The following GRB2 variants were observed in gnomAD, a reference collection of about 807,000 sequenced individuals.
The protein encoded by GRB2 is growth factor receptor-bound protein 2.
A neutral mutation model predicts 27.4 loss-of-function variants in GRB2; 2 were observed. That is an observed-to-expected ratio of 0.07 (90% CI 0.03 to 0.23). GRB2 has a LOEUF of 0.23. GRB2 is among the 10% of genes least tolerant of loss of function. The probability of loss-of-function intolerance (pLI) is 1.00; values close to 1 mark genes in which losing one functional copy is unlikely to be tolerated. For missense variants in GRB2, 102 were observed against 282.4 expected (o/e 0.36, Z 4.58); for synonymous variants, 94 against 99.6 (o/e 0.94, Z 0.33).
At chr17:75,390,680 G>A (rs1201644768) in intron 2 of GRB2, among the ~76,000 whole-genome samples, 1 of 152,140 alleles carries the variant, frequency 6.6e-6, no homozygotes, top group African/African-American at 2.4e-5. Flanking sequence ...TCAATGTGTA[G>A]ACAGAAAGTA....
At chr17:75,343,333 G>T (rs1451648828) in intron 2 of GRB2, among the ~76,000 whole-genome samples, 1 of 152,116 alleles carries the variant, frequency 6.6e-6, no homozygotes, top group East Asian at 1.9e-4. Flanking sequence ...CAGTCTGCAA[G>T]ACCTTGGATT....
At chr17:75,324,175 T>C (rs976077077) in intron 4 of GRB2, among the ~76,000 whole-genome samples, 2 of 146,636 alleles carry the variant, frequency 1.4e-5, no homozygotes, top group African/African-American at 4.9e-5. Flanking sequence ...CATTAAGTGG[T>C]TCTAAAACCA....
chr17:75,379,818 G>T (rs558908724), intron 2 of GRB2, among the ~76,000 whole-genome samples: 3 of 152,282 alleles, frequency 2.0e-5, no homozygotes, highest in African/African-American at 7.2e-5. Context: ...ATAGAATTTT[G>T]ACTGGAGCTA....
At chr17:75,362,574 C>A (rs970709613) in intron 2 of GRB2, among the ~76,000 whole-genome samples, 1 of 152,164 alleles carries the variant, frequency 6.6e-6, no homozygotes, top group South Asian at 2.1e-4. Context: ...TCACTTTATC[C>A]CTGTTCTTAG....
At position 75,334,855 on chromosome 17, in the gene GRB2, C is replaced by CT. The variant is rs10545922; in HGVS notation, c.79-2059dup. On this transcript the variant is annotated intron_variant, in intron 2 of 5. Coordinates refer to ENST00000316804, the MANE Select transcript of GRB2 (RefSeq NM_002086.5). The stretch of plus-strand genomic sequence containing the variant: ...GTGAATGTGTTATCTCTCAAAATAT[C>CT]TTTTTTTTTTTTTTTTGAGTCAGGG... Among the ~76,000 whole-genome samples, 358 of 143,760 alleles carry CT rather than the reference C, an allele frequency of 2.5e-3. 4 individuals carry two copies. Among genetic ancestry groups the CT allele is most frequent in the African/African-American group, 8.7e-3 (341 of 38,978 alleles). The allele number at this position is 143,760 out of a possible 152,430, so 94.3% of individuals were successfully genotyped here. A position where few individuals can be genotyped will look rare whatever the true frequency, so the allele number is the denominator to read the frequency against.
chr17:75,400,473 C>T (rs981128382), intron 1 of GRB2, among the ~76,000 whole-genome samples: 1 of 151,800 alleles, frequency 6.6e-6, no homozygotes, highest in Non-Finnish European at 1.5e-5. Context: ...TACCCAGCCT[C>T]ATGCTCCTTT....
At chr17:75,369,863 A>AAC (rs1383597958) in intron 2 of GRB2, among the ~76,000 whole-genome samples, 2 of 151,750 alleles carry the variant, frequency 1.3e-5, no homozygotes, top group Non-Finnish European at 2.9e-5. Context: ...CTCAAAAAAA[A>AAC]AAAACTGTTT....
intron 2 of GRB2, among the ~76,000 whole-genome samples, chr17:75,367,210 A>T (rs2078825606): frequency 6.6e-6 from 1 of 152,104 alleles, no homozygotes; most frequent in South Asian, 2.1e-4. Context: ...TTACTCTGTC[A>T]CCCAGGCTAA....
chr17:75,359,031 A>C (rs1359004393), intron 2 of GRB2, among the ~76,000 whole-genome samples: 1 of 148,146 alleles, frequency 6.8e-6, no homozygotes, highest in Non-Finnish European at 1.5e-5. Context: ...TCACCAACAT[A>C]GTGAAATTCT....
At chr17:75,404,649 G>C (rs1221721751) in intron 1 of GRB2, among the ~76,000 whole-genome samples, 1 of 152,138 alleles carries the variant, frequency 6.6e-6, no homozygotes, top group Non-Finnish European at 1.5e-5. Context: ...AATAACTGGA[G>C]AAAGAGGAGT....
At position 75,320,190 on chromosome 17, in the gene GRB2, T is replaced by C. The variant is rs61757950; in HGVS notation, c.*178A>G. 2.7e-3 allele frequency: 1,530 copies of C among 562,200 alleles called. 25 individuals are homozygous for C. Among genetic ancestry groups the C allele is most frequent in the African/African-American group, 0.026 (1,383 of 53,828 alleles). 34.8% of individuals were successfully genotyped at this position (562,200 alleles called of 1,614,324 possible). On this transcript the variant is annotated 3_prime_UTR_variant, in exon 6 of 6. Coordinates refer to ENST00000316804, the MANE Select transcript of GRB2 (RefSeq NM_002086.5). The surrounding 1 kb of genome is among the most constrained non-coding windows in gnomAD (Gnocchi z 4.3). ...ATTTATAGGTAAGTTTTGGCATTTT[T>C]AAATCCAACGCCCCCTCCCACCCCC...
intron 4 of GRB2, among the ~76,000 whole-genome samples, chr17:75,322,372 C>CAA (rs544297344): frequency 0.011 from 934 of 84,566 alleles, 7 homozygotes; most frequent in African/African-American, 0.035. Context: ...AACTCTGTCT[C>CAA]AAAAAAAAAA....
At chr17:75,400,836 T>C (rs1447043964) in intron 1 of GRB2, among the ~76,000 whole-genome samples, 1 of 152,128 alleles carries the variant, frequency 6.6e-6, no homozygotes, top group African/African-American at 2.4e-5. Context: ...GCAATTCCAC[T>C]TCCCAGATTT....
chr17:75,377,912 AC>A (rs2078904527), intron 2 of GRB2, among the ~76,000 whole-genome samples: 1 of 152,150 alleles, frequency 6.6e-6, no homozygotes, highest in Admixed American at 6.5e-5. Flanking sequence ...AAAAAAGAAA[AC>A]AACCCACGAA....
At chr17:75,330,487 AAC>A (rs1162574466) in intron 3 of GRB2, among the ~76,000 whole-genome samples, 36 of 152,160 alleles carry the variant, frequency 2.4e-4, no homozygotes, top group African/African-American at 7.7e-4. Flanking sequence ...CAGCTTGGCC[AAC>A]ACAGTGAAAC....
intron 3 of GRB2, among the ~76,000 whole-genome samples, chr17:75,327,931 C>T (rs948539640): frequency 9.9e-5 from 15 of 152,128 alleles, no homozygotes; most frequent in Non-Finnish European, 1.9e-4. Context: ...AATAGATCCT[C>T]CTGCTTCTAC....
intron 4 of GRB2, among the ~76,000 whole-genome samples, chr17:75,324,948 C>T (rs1444468895): frequency 1.3e-5 from 2 of 152,058 alleles, no homozygotes; most frequent in African/African-American, 4.8e-5. Context: ...TGGTGTCAGG[C>T]ACCTGTAATC....
chr17:75,334,878 G>C (rs1315188152), intron 2 of GRB2, among the ~76,000 whole-genome samples: 1 of 150,056 alleles, frequency 6.7e-6, no homozygotes, highest in Non-Finnish European at 1.5e-5. Flanking sequence ...TTTTGAGTCA[G>C]GGTCTTGCTC....
intron 2 of GRB2, among the ~76,000 whole-genome samples, chr17:75,361,530 C>T (rs1307357701): frequency 6.6e-6 from 1 of 152,128 alleles, no homozygotes; most frequent in Non-Finnish European, 1.5e-5. Flanking sequence ...ACACTACTTC[C>T]TTCATCTATC....
Sources: gnomAD v4.1 joint callset for allele counts (sites outside exome capture counted in the v4.1 genomes callset) on GRCh38, gnomAD v4.1.1 for gene constraint, Gnocchi (gnomAD v3.1) non-coding constraint, MANE v1.5 for transcripts, NCBI Gene and HGNC (gene_info 2026-07-23, HGNC 2026-07-21) for gene names.